The following ENTPD1 variants were observed in gnomAD, a reference collection of about 807,000 sequenced individuals.
ENTPD1 encodes ectonucleoside triphosphate diphosphohydrolase 1.
ENTPD1 carries 33 observed loss-of-function variants against 57.0 expected under a neutral mutation model. That is an observed-to-expected ratio of 0.58 (90% CI 0.44 to 0.77). The LOEUF (loss-of-function observed/expected upper bound fraction) is 0.77. Among genes scored for constraint, ENTPD1 ranks in the 30% least tolerant of loss-of-function variants. ENTPD1 has a pLI of 0.00. For missense variants in ENTPD1, 501 were observed against 603.4 expected (o/e 0.83, Z 1.78); for synonymous variants, 202 against 218.8 (o/e 0.92, Z 0.68).
At position 95,870,703 on chromosome 10, in the gene ENTPD1, C is replaced by G; in HGVS notation, c.*4320C>G. 1 of 985,436 alleles carries G rather than the reference C, an allele frequency of 1.0e-6. No individual in the cohort carries two copies. The highest frequency in any genetic ancestry group is 1.2e-6 in the Non-Finnish European group (1 of 829,926). The allele number at this position is 985,436 out of a possible 1,614,324, so 61.0% of individuals were successfully genotyped here. A position where few individuals can be genotyped will look rare whatever the true frequency, so the allele number is the denominator to read the frequency against. ...TGAGTTTCACCCAAACTGGTCTGGC[C>G]CCTCTCTGATTCAAATACCAATAGT... On this transcript the variant is annotated 3_prime_UTR_variant, in exon 10 of 10. Coordinates refer to ENST00000371205, the MANE Select transcript of ENTPD1 (RefSeq NM_001776.6).
chr10:95,829,835 T>C (rs1482851991), intron 2 of ENTPD1, among the ~76,000 whole-genome samples: 1 of 151,832 alleles, frequency 6.6e-6, no homozygotes, highest in Non-Finnish European at 1.5e-5. Flanking sequence ...CTTTAAGAGG[T>C]GGTGGGTCAT....
upstream of ENTPD1, among the ~76,000 whole-genome samples, chr10:95,751,905 G>A (rs548449534): frequency 2.7e-4 from 41 of 152,226 alleles, no homozygotes; most frequent in Middle Eastern, 3.4e-3. Context: ...GGCATAAGAA[G>A]TTATGACCTA....
In ENTPD1 at chr10:95,735,542, T is replaced by C. The variant is rs566598710; in HGVS notation, c.37+23549T>C. 6.6e-5 allele frequency among the ~76,000 whole-genome samples: 10 copies of C among 152,330 alleles called. No individual in the cohort carries two copies. In the East Asian group the frequency reaches 1.7e-3, roughly 26 times the overall value. ...TTTTAATTAAATTCTAGACCTCCAA[T>C]TGGCTTTTAAAACCTTTTAAATATT... On this transcript the variant is annotated intron_variant, in intron 1 of 9. Transcript: ENST00000453258.
At chr10:95,752,017 C>T (rs2098012754), upstream of ENTPD1, among the ~76,000 whole-genome samples, 1 of 152,102 alleles carries the variant, frequency 6.6e-6, no homozygotes, top group Non-Finnish European at 1.5e-5. Flanking sequence ...CCATCATACA[C>T]AGATGGAGGA....
At position 95,868,688 on chromosome 10, in the gene ENTPD1, C is replaced by T. The variant is rs775436845; in HGVS notation, c.*2305C>T. 1.1e-4 allele frequency: 109 copies of T among 978,402 alleles called. No homozygotes were observed. The highest frequency in any genetic ancestry group is 1.3e-4 in the Non-Finnish European group (103 of 823,666). The allele number at this position is 978,402 out of a possible 1,614,324, so 60.6% of individuals were successfully genotyped here. A position where few individuals can be genotyped will look rare whatever the true frequency, so the allele number is the denominator to read the frequency against. On this transcript the variant is annotated 3_prime_UTR_variant, in exon 10 of 10. Transcript: ENST00000371205. ...TCACACAAACTACTACATGGCAGAGCAGATACTCCAACTCATGTCTTCTGG... is the reference window on the plus strand; with the variant it reads ...TCACACAAACTACTACATGGCAGAGTAGATACTCCAACTCATGTCTTCTGG...
intron 7 of ENTPD1, among the ~76,000 whole-genome samples, chr10:95,855,571 G>C (rs544499385): frequency 2.2e-4 from 34 of 152,240 alleles, no homozygotes; most frequent in African/African-American, 7.9e-4. Flanking sequence ...GCAGTGGCTG[G>C]TACCAGTTGT....
At chr10:95,856,419 A>G (rs1229750466) in intron 7 of ENTPD1, among the ~76,000 whole-genome samples, 1 of 152,164 alleles carries the variant, frequency 6.6e-6, no homozygotes, top group Admixed American at 6.5e-5. Context: ...TACAACCACT[A>G]TGGAAAACAG....
intron 1 of ENTPD1, among the ~76,000 whole-genome samples, chr10:95,727,014 C>T (rs929020288): frequency 1.3e-5 from 2 of 152,122 alleles, no homozygotes; most frequent in Non-Finnish European, 2.9e-5. Flanking sequence ...CATGAAGCTC[C>T]TTCGTCAGTG....
intron 1 of ENTPD1, among the ~76,000 whole-genome samples, chr10:95,718,292 G>A (rs146128570): frequency 6.6e-6 from 1 of 152,152 alleles, no homozygotes; most frequent in Non-Finnish European, 1.5e-5. Flanking sequence ...CCCATTCTAT[G>A]TCTTCTGCTG....
chr10:95,703,399 C>T, the ENTPD1 span, among the ~76,000 whole-genome samples: 1 of 152,092 alleles, frequency 6.6e-6, no homozygotes, highest in Non-Finnish European at 1.5e-5. Flanking sequence ...TATATTATAG[C>T]CATAATAAAG....
At chr10:95,825,646 C>T (rs1254058437) in intron 2 of ENTPD1, among the ~76,000 whole-genome samples, 8 of 152,162 alleles carry the variant, frequency 5.3e-5, no homozygotes, top group Non-Finnish European at 1.0e-4. Context: ...GGCACGATCT[C>T]GGCTCACTGA....
At chr10:95,783,031 GTGTT>G (rs1169288945) in intron 1 of ENTPD1, among the ~76,000 whole-genome samples, 8 of 152,242 alleles carry the variant, frequency 5.3e-5, no homozygotes, top group African/African-American at 1.9e-4. Flanking sequence ...GTGTGTGTGT[GTGTT>G]TGTGTGTGTG....
chr10:95,775,385 A>G (rs2098130222), intron 1 of ENTPD1, among the ~76,000 whole-genome samples: 1 of 152,158 alleles, frequency 6.6e-6, no homozygotes, highest in African/African-American at 2.4e-5. Flanking sequence ...GTGGTGAGAG[A>G]GAGGGCATCT....
chr10:95,865,452 G>A (rs371345213), intron 9 of ENTPD1, among the ~76,000 whole-genome samples: 1 of 152,272 alleles, frequency 6.6e-6, no homozygotes, highest in South Asian at 2.1e-4. Flanking sequence ...ACTCATGCTT[G>A]ACCAAAAATA....
At position 95,869,616 on chromosome 10, in the gene ENTPD1, GAGAA is replaced by G. The variant is rs1317020908; in HGVS notation, c.*3239_*3242del. ...ATCAGGCTTTCTGTGTGACAAGAAA[GAGAA>G]AGAAAATAAAGAAGTTTCAATTCAT... On this transcript the variant is annotated 3_prime_UTR_variant, in exon 10 of 10. Coordinates refer to ENST00000371205, the MANE Select transcript of ENTPD1 (RefSeq NM_001776.6). The G allele has an allele frequency of 1.0e-5, 10 of 985,052 alleles. No individual in the cohort carries two copies. The East Asian group carries it at 1.1e-3, about 112-fold the overall frequency. The allele number at this position is 985,052 out of a possible 1,614,324, so 61.0% of individuals were successfully genotyped here.
chr10:95,810,449 A>G (rs7900927), intron 1 of ENTPD1, among the ~76,000 whole-genome samples: 79,873 of 136,642 alleles, frequency 0.58, 21,762 homozygotes, highest in Admixed American at 0.66. Flanking sequence ...CGGATAGGGC[A>G]GCCGGGCAGA....
chr10:95,726,097 A>G (rs1006746233), intron 1 of ENTPD1, among the ~76,000 whole-genome samples: 2 of 152,174 alleles, frequency 1.3e-5, no homozygotes, highest in Non-Finnish European at 2.9e-5. Flanking sequence ...TTGTTACCCA[A>G]AGTTTTGGAG....
At chr10:95,809,582 C>CCA (rs1555293659) in intron 1 of ENTPD1, among the ~76,000 whole-genome samples, 1 of 118,600 alleles carries the variant, frequency 8.4e-6, no homozygotes. Flanking sequence ...GGCGCCCCCC[C>CCA]ACCTCCCAGA....
rs780434043 is a variant in ENTPD1, at chr10:95,869,595, G to C, written c.*3212G>C. ...ACAAAAGAATAATGCTACTTAATCA[G>C]GCTTTCTGTGTGACAAGAAAGAGAA... On this transcript the variant is annotated 3_prime_UTR_variant, in exon 10 of 10. Coordinates refer to ENST00000371205, the MANE Select transcript of ENTPD1 (RefSeq NM_001776.6). The C allele has an allele frequency of 2.0e-6, 2 of 984,908 alleles. No individual in the cohort carries two copies. The highest frequency in any genetic ancestry group is 2.4e-6 in the Non-Finnish European group (2 of 829,854). 61.0% of individuals were successfully genotyped at this position (984,908 alleles called of 1,614,324 possible).
Sources: gnomAD v4.1 joint callset for allele counts (sites outside exome capture counted in the v4.1 genomes callset) on GRCh38, gnomAD v4.1.1 for gene constraint, MANE v1.5 for transcripts, NCBI Gene and HGNC (gene_info 2026-07-23, HGNC 2026-07-21) for gene names.